Variants in DCC observed in about 807,000 individuals in gnomAD.
DCC encodes netrin receptor DCC.
Under a neutral mutation model 172.5 loss-of-function variants are expected in DCC, and 58 were observed. The ratio of observed to expected loss-of-function variants is 0.34; its 90% confidence interval spans 0.27 to 0.42. The LOEUF is 0.42. Among genes scored for constraint, DCC ranks in the 10% least tolerant of loss-of-function variants. DCC has a pLI of 1.00. For missense variants in DCC, 1,740 were observed against 1,791.0 expected, an observed-to-expected ratio of 0.97 and a Z score of 0.51; for synonymous variants, 709 against 644.5, an observed-to-expected ratio of 1.10 and a Z score of -1.52.
intron 8 of DCC, among the ~76,000 whole-genome samples, chr18:53,178,593 C>A (rs1198574856): frequency 1.3e-5 from 2 of 152,134 alleles, no homozygotes; most frequent in Admixed American, 1.3e-4. Flanking sequence ...CTGTCATTAG[C>A]CGGATGTTTA....
intron 1 of DCC, among the ~76,000 whole-genome samples, chr18:52,522,457 G>A (rs1174506239): frequency 1.3e-5 from 2 of 152,072 alleles, no homozygotes; most frequent in African/African-American, 2.4e-5. Flanking sequence ...ACACTCTCCC[G>A]AAAATCTCTC....
chr18:53,139,648 G>C (rs1370598129), intron 7 of DCC, among the ~76,000 whole-genome samples: 2 of 152,102 alleles, frequency 1.3e-5, no homozygotes, highest in African/African-American at 4.8e-5. Flanking sequence ...GTTAGCTGCT[G>C]CTATTGTCAC....
chr18:52,617,854 G>A (rs1467159792), intron 1 of DCC, among the ~76,000 whole-genome samples: 1 of 152,122 alleles, frequency 6.6e-6, no homozygotes, highest in Non-Finnish European at 1.5e-5. Flanking sequence ...TCTGGCCATA[G>A]GATTTAATGG....
chr18:52,557,306 A>C (rs2032939138), intron 1 of DCC, among the ~76,000 whole-genome samples: 1 of 152,210 alleles, frequency 6.6e-6, no homozygotes, highest in Non-Finnish European at 1.5e-5. Flanking sequence ...CATTTAAAAC[A>C]GTACTTAGAT....
intron 15 of DCC, among the ~76,000 whole-genome samples, chr18:53,351,860 C>A: frequency 6.6e-6 from 1 of 151,782 alleles, no homozygotes; most frequent in East Asian, 1.9e-4. Flanking sequence ...TTTCTTCATC[C>A]CCCTCACTAT....
intron 1 of DCC, among the ~76,000 whole-genome samples, chr18:52,502,777 A>G (rs2031079479): frequency 6.6e-6 from 1 of 152,192 alleles, no homozygotes; most frequent in Non-Finnish European, 1.5e-5. Flanking sequence ...ATATTCTAAA[A>G]GCCCCGAGGC....
At chr18:53,378,567 A>G (rs72929438) in intron 15 of DCC, among the ~76,000 whole-genome samples, 288 of 152,332 alleles carry the variant, frequency 1.9e-3, no homozygotes, top group Non-Finnish European at 3.4e-3. Context: ...TCCATGATCA[A>G]ATTGATTAGG....
At chr18:53,499,158 T>A in intron 26 of DCC, 140 bp from the exon 27 acceptor site, 1 of 807,008 alleles carries the variant, frequency 1.2e-6, no homozygotes, top group Non-Finnish European at 2.1e-6. Context: ...GGTAGACGAA[T>A]GACAATGTTC....
In DCC at chr18:53,144,162, T is replaced by A. The variant is rs371884928; in HGVS notation, c.1262-13194T>A. On this transcript the variant is annotated intron_variant, in intron 7 of 28. Coordinates refer to ENST00000442544, the MANE Select transcript of DCC (RefSeq NM_005215.4). The stretch of plus-strand genomic sequence containing the variant: ...AGGGATGTTAATGCTTTTAATAATA[T>A]GGAAAATGTCTCAGATTGTCATTCA... Among the ~76,000 whole-genome samples, 30 of 152,356 alleles carry A rather than the reference T, an allele frequency of 2.0e-4. 1 individual carries two copies. The highest frequency in any genetic ancestry group is 6.5e-4 in the African/African-American group (27 of 41,588).
intron 9 of DCC, among the ~76,000 whole-genome samples, chr18:53,203,796 A>G (rs902980423): frequency 3.0e-4 from 46 of 152,246 alleles, no homozygotes; most frequent in Non-Finnish European, 1.0e-4. Context: ...AGACAACATT[A>G]TTAAGTAAGG....
At chr18:53,174,365 C>A (rs1248091515) in intron 8 of DCC, among the ~76,000 whole-genome samples, 1 of 151,322 alleles carries the variant, frequency 6.6e-6, no homozygotes, top group Non-Finnish European at 1.5e-5. Flanking sequence ...CACAAAAAAC[C>A]CTTCAAAAAA....
chr18:53,351,610 A>G (rs764659694), intron 15 of DCC, among the ~76,000 whole-genome samples: 5 of 149,580 alleles, frequency 3.3e-5, no homozygotes, highest in Admixed American at 2.0e-4. Context: ...TTTGTATTTT[A>G]TAATCTGAGT....
intron 1 of DCC, among the ~76,000 whole-genome samples, chr18:52,597,009 C>T (rs975288794): frequency 6.6e-6 from 1 of 152,076 alleles, no homozygotes; most frequent in African/African-American, 2.4e-5. Flanking sequence ...TGCATAGGGG[C>T]TTTGTGATTT....
At chr18:53,173,220 A>G (rs927278497) in intron 8 of DCC, among the ~76,000 whole-genome samples, 1 of 152,044 alleles carries the variant, frequency 6.6e-6, no homozygotes, top group Non-Finnish European at 1.5e-5. Context: ...TCTTAGCCTT[A>G]CCTACTTTAG....
chr18:52,826,841 T>G (rs9964026), intron 2 of DCC, among the ~76,000 whole-genome samples: 54,425 of 152,016 alleles, frequency 0.36, 10,290 homozygotes, highest in East Asian at 0.73. Flanking sequence ...TATCCATGGA[T>G]TCAATCAACC....
chr18:52,894,118 C>A (rs2039692848), intron 2 of DCC, among the ~76,000 whole-genome samples: 1 of 152,128 alleles, frequency 6.6e-6, no homozygotes, highest in African/African-American at 2.4e-5. Context: ...TATTCCAGAC[C>A]CAGCCATAGT....
chr18:52,487,737 T>C (rs75254243), intron 1 of DCC, among the ~76,000 whole-genome samples: 2,339 of 138,902 alleles, frequency 0.017, 45 homozygotes, highest in African/African-American at 0.043. Flanking sequence ...TTTGAATTCA[T>C]GAGGCGGAGG....
chr18:52,570,584 A>G (rs1490217885), intron 1 of DCC, among the ~76,000 whole-genome samples: 2 of 152,222 alleles, frequency 1.3e-5, no homozygotes, highest in African/African-American at 4.8e-5. Context: ...GAATATCAAA[A>G]GTGAAAACAA....
At chr18:53,158,816 AC>A (rs753884662) in intron 8 of DCC, among the ~76,000 whole-genome samples, 4 of 151,718 alleles carry the variant, frequency 2.6e-5, no homozygotes, top group Non-Finnish European at 5.9e-5. Flanking sequence ...ACATGGTGAA[AC>A]CCTGTCTCTT....
Sources: gnomAD v4.1 joint callset for allele counts (sites outside exome capture counted in the v4.1 genomes callset) on GRCh38, gnomAD v4.1.1 for gene constraint, MANE v1.5 for transcripts, NCBI Gene and HGNC (gene_info 2026-07-23, HGNC 2026-07-21) for gene names.